Variants in ZEB1 observed in about 807,000 individuals in gnomAD.
The protein encoded by ZEB1 is zinc finger E-box binding homeobox 1.
A neutral mutation model predicts 84.9 loss-of-function variants in ZEB1; 21 were observed. That is an observed-to-expected ratio of 0.25 (90% confidence interval 0.18 to 0.36). The LOEUF (loss-of-function observed/expected upper bound fraction) is 0.36, where lower values mean the gene tolerates loss of function less well. ZEB1 is among the 10% of genes least tolerant of loss of function. The pLI is 1.00. For missense variants in ZEB1, 1,104 were observed against 1,330.2 expected (o/e 0.83, Z 2.65); for synonymous variants, 420 against 471.1 (o/e 0.89, Z 1.41).
chr10:31,472,486 C>G (rs2063415135), intron 2 of ZEB1, among the ~76,000 whole-genome samples: 3 of 151,614 alleles, frequency 2.0e-5, no homozygotes, highest in Admixed American at 2.0e-4. Context: ...TCGACACATA[C>G]ACTCTCCCAA....
intron 1 of ZEB1, among the ~76,000 whole-genome samples, chr10:31,402,261 G>C (rs191280670): frequency 6.6e-6 from 1 of 152,016 alleles, no homozygotes; most frequent in Non-Finnish European, 1.5e-5. Context: ...TAAATGTAAG[G>C]GTTTTGTTAG....
chr10:31,346,230 T>TA (rs1280034129), intron 1 of ZEB1, among the ~76,000 whole-genome samples: 6 of 152,218 alleles, frequency 3.9e-5, no homozygotes, highest in Non-Finnish European at 8.8e-5. Flanking sequence ...GAAAAACTCT[T>TA]ACCTCCCTAT....
intron 1 of ZEB1, among the ~76,000 whole-genome samples, chr10:31,375,650 G>A (rs1249679891): frequency 6.6e-6 from 1 of 151,748 alleles, no homozygotes; most frequent in African/African-American, 2.4e-5. Context: ...CTGATTGGCT[G>A]TGTATGTTGG....
chr10:31,506,349 T>C (rs770321670), intron 4 of ZEB1, among the ~76,000 whole-genome samples: 1 of 152,010 alleles, frequency 6.6e-6, no homozygotes, highest in Non-Finnish European at 1.5e-5. Flanking sequence ...ATCTGTCTAA[T>C]GCTGATAGGG....
At chr10:31,452,476 T>C (rs575630999) in intron 1 of ZEB1, among the ~76,000 whole-genome samples, 2 of 152,264 alleles carry the variant, frequency 1.3e-5, no homozygotes, top group African/African-American at 4.8e-5. Context: ...TCTGATCCTA[T>C]GAATTACCAC....
intron 1 of ZEB1, among the ~76,000 whole-genome samples, chr10:31,345,313 A>G (rs1232040917): frequency 6.6e-6 from 1 of 152,134 alleles, no homozygotes; most frequent in Admixed American, 6.6e-5. Flanking sequence ...CGGGGGTTGT[A>G]TTATATAATG....
chr10:31,487,225 G>C (rs1393319371), intron 2 of ZEB1, among the ~76,000 whole-genome samples: 1 of 150,930 alleles, frequency 6.6e-6, no homozygotes, highest in Non-Finnish European at 1.5e-5. Context: ...AAATCATTTT[G>C]GCTATTATAG....
intron 1 of ZEB1, among the ~76,000 whole-genome samples, chr10:31,334,336 A>T (rs1013864518): frequency 6.6e-6 from 1 of 152,090 alleles, no homozygotes; most frequent in African/African-American, 2.4e-5. Flanking sequence ...CCATTAACTT[A>T]AATAGAAATT....
In ZEB1 at chr10:31,379,449, G is replaced by GTA. The variant is rs541702993; in HGVS notation, c.58+60168_58+60169dup. Among the ~76,000 whole-genome samples the GTA allele has an allele frequency of 7.8e-4, 117 of 150,950 alleles. 1 individual carries two copies. The highest frequency in any genetic ancestry group is 5.9e-3 in the South Asian group (28 of 4,770). On this transcript the variant is annotated intron_variant, in intron 1 of 8. Coordinates refer to ENST00000424869, the MANE Select transcript of ZEB1 (RefSeq NM_001174096.2). ...TCTGTCTGTCTCTCTCTCTGTGTGT[G>GTA]TATATATATATACATATATATACAC...
At chr10:31,401,267 A>G (rs2051936415) in intron 1 of ZEB1, among the ~76,000 whole-genome samples, 1 of 152,240 alleles carries the variant, frequency 6.6e-6, no homozygotes, top group Non-Finnish European at 1.5e-5. Flanking sequence ...ACAGTTTTAC[A>G]TATGTTAAAT....
Position 31,419,466 on chromosome 10 carries a change from G to A in ZEB1, c.59-41571G>A, listed in dbSNP as rs564587253. 1.3e-3 allele frequency among the ~76,000 whole-genome samples: 192 copies of A among 152,288 alleles called. 1 individual carries two copies. Among genetic ancestry groups the A allele is most frequent in the South Asian group, 9.7e-3 (47 of 4,828 alleles). On this transcript the variant is annotated intron_variant, in intron 1 of 8. Transcript: ENST00000424869. ...ATATTAATTATACTATGGCTAATGTGTGGAGATTTGCTAAGAGAACAGGTA... is the reference window on the plus strand; with the variant it reads ...ATATTAATTATACTATGGCTAATGTATGGAGATTTGCTAAGAGAACAGGTA...
At chr10:31,445,301 T>G (rs1383960832) in intron 1 of ZEB1, among the ~76,000 whole-genome samples, 3 of 149,584 alleles carry the variant, frequency 2.0e-5, no homozygotes, top group African/African-American at 7.6e-5. Flanking sequence ...CTTATCAGCT[T>G]AAGGAGATTT....
rs549455940 is a variant in ZEB1, at chr10:31,449,251, A to G, written c.59-11786A>G. Among the ~76,000 whole-genome samples, 687 of 152,324 alleles carry G rather than the reference A, an allele frequency of 4.5e-3. 6 individuals carry two copies. The highest frequency in any genetic ancestry group is 0.015 in the African/African-American group (635 of 41,564). On this transcript the variant is annotated intron_variant, in intron 1 of 8. Coordinates refer to ENST00000424869, the MANE Select transcript of ZEB1 (RefSeq NM_001174096.2). ...CCCCTTGCGCTTCCCAGGTGAGGCAATGCCTCGCCCTGCTTCGGCTTGCGC... is the reference window on the plus strand; with the variant it reads ...CCCCTTGCGCTTCCCAGGTGAGGCAGTGCCTCGCCCTGCTTCGGCTTGCGC...
intron 1 of ZEB1, among the ~76,000 whole-genome samples, chr10:31,339,767 T>TAA (rs35154398): frequency 5.2e-4 from 72 of 137,246 alleles, no homozygotes; most frequent in African/African-American, 1.9e-3. Flanking sequence ...TGTCTCAAAT[T>TAA]AAAAAAAAAA....
chr10:31,408,825 A>G (rs1274563776), intron 1 of ZEB1, among the ~76,000 whole-genome samples: 1 of 150,766 alleles, frequency 6.6e-6, no homozygotes, highest in Non-Finnish European at 1.5e-5. Context: ...CATTCAAGAC[A>G]TAGGCATGGG....
At chr10:31,318,990 T>G, upstream of ZEB1, 1 of 551,286 alleles carries the variant, frequency 1.8e-6, no homozygotes, top group Non-Finnish European at 3.3e-6. Context: ...AGGAAAACTT[T>G]TCCCTCGCCC....
At chr10:31,474,846 G>T (rs1447805711) in intron 2 of ZEB1, among the ~76,000 whole-genome samples, 12 of 151,630 alleles carry the variant, frequency 7.9e-5, no homozygotes, top group Middle Eastern at 3.2e-3. Context: ...ATTAAGAAAA[G>T]GTGGCACATA....
chr10:31,416,356 G>A (rs2055212576), intron 1 of ZEB1, among the ~76,000 whole-genome samples: 1 of 152,048 alleles, frequency 6.6e-6, no homozygotes, highest in South Asian at 2.1e-4. Context: ...CTACTTTAAT[G>A]CAAAGCAGAA....
intron 2 of ZEB1, among the ~76,000 whole-genome samples, chr10:31,491,479 T>A (rs2066512221): frequency 6.6e-6 from 1 of 151,868 alleles, no homozygotes; most frequent in Admixed American, 6.6e-5. Flanking sequence ...ACTATAAGGA[T>A]TCTCCTAGAG....
Sources: gnomAD v4.1 joint callset for allele counts (sites outside exome capture counted in the v4.1 genomes callset) on GRCh38, gnomAD v4.1.1 for gene constraint, MANE v1.5 for transcripts, NCBI Gene and HGNC (gene_info 2026-07-23, HGNC 2026-07-21) for gene names.